The following SORCS2 variants were observed in gnomAD, a reference collection of about 807,000 sequenced individuals.
SORCS2 encodes the protein sortilin related VPS10 domain containing receptor 2.
In SORCS2, 100 loss-of-function variants were observed where a neutral mutation model predicts 141.6. The observed-to-expected ratio is 0.71, with a 90% CI of 0.60 to 0.83. SORCS2 has a LOEUF of 0.83. Ranked by LOEUF, SORCS2 falls within the 40% of genes least tolerant of loss-of-function variation. SORCS2 has a pLI of 0.00. For missense variants in SORCS2, 1,646 were observed against 1,560.2 expected (o/e 1.05, Z -0.93); for synonymous variants, 789 against 676.9 (o/e 1.17, Z -2.57).
chr4:7,575,532 A>G (rs1715692064), intron 3 of SORCS2, among the ~76,000 whole-genome samples: 1 of 152,238 alleles, frequency 6.6e-6, no homozygotes, highest in African/African-American at 2.4e-5. Context: ...TGACAGTTGT[A>G]AAAGTAGGTT....
chr4:7,595,978 C>G (rs1442423677), intron 3 of SORCS2, among the ~76,000 whole-genome samples: 1 of 152,192 alleles, frequency 6.6e-6, no homozygotes, highest in African/African-American at 2.4e-5. Context: ...TTCCCTTTCC[C>G]CAGCCTGCAT....
chr4:7,416,231 C>T (rs976063325), intron 2 of SORCS2, among the ~76,000 whole-genome samples: 1 of 152,030 alleles, frequency 6.6e-6, no homozygotes, highest in Non-Finnish European at 1.5e-5. Context: ...TTGGCTGCAG[C>T]GTTCGTAGGG....
intron 8 of SORCS2, among the ~76,000 whole-genome samples, chr4:7,674,573 C>CAA (rs1265948158): frequency 1.8e-5 from 1 of 56,402 alleles, no homozygotes; most frequent in Non-Finnish European, 3.0e-5. Flanking sequence ...GACTCTGTCT[C>CAA]AAAATAAAAA....
At chr4:7,433,504 G>A (rs1219165796) in intron 2 of SORCS2, 3 of 1,603,492 alleles carry the variant, frequency 1.9e-6, no homozygotes, top group East Asian at 2.2e-5. Flanking sequence ...CACAGCCACG[G>A]GGTCCATCAT....
Position 7,434,747 on chromosome 4 carries a change from C to T in SORCS2, c.548+38392C>T, listed in dbSNP as rs1333664334. 1 of 1,613,022 alleles carries T rather than the reference C, an allele frequency of 6.2e-7. No homozygotes were observed. The highest frequency in any genetic ancestry group is 8.5e-7 in the Non-Finnish European group (1 of 1,179,640). On this transcript the variant is annotated intron_variant, in intron 2 of 26. Transcript: ENST00000507866. ...ACGGCCCCTTGGCAGTACCCCACAGCCCCGCACCTGGCAGCTGTCTGCAGA... is the reference window on the plus strand; with the variant it reads ...ACGGCCCCTTGGCAGTACCCCACAGTCCCGCACCTGGCAGCTGTCTGCAGA...
chr4:7,620,637 C>T (rs1348702442), intron 3 of SORCS2, among the ~76,000 whole-genome samples: 3 of 152,208 alleles, frequency 2.0e-5, no homozygotes, highest in Admixed American at 1.3e-4. Context: ...ACTATGGAGG[C>T]GGTGGGTGTT....
At chr4:7,481,927 C>A (rs972963840) in intron 2 of SORCS2, among the ~76,000 whole-genome samples, 1 of 102,810 alleles carries the variant, frequency 9.7e-6, no homozygotes, top group Admixed American at 1.0e-4. Context: ...ACACCCCTGA[C>A]GTTGTTCAGA....
intron 1 of SORCS2, among the ~76,000 whole-genome samples, chr4:7,294,083 G>A (rs1716791662): frequency 6.6e-6 from 1 of 152,226 alleles, no homozygotes; most frequent in Non-Finnish European, 1.5e-5. Context: ...TGAAGCCAAA[G>A]TTGCCTCAGA....
At chr4:7,243,094 A>G (rs1236030877) in intron 1 of SORCS2, among the ~76,000 whole-genome samples, 3 of 152,100 alleles carry the variant, frequency 2.0e-5, no homozygotes, top group African/African-American at 7.2e-5. Flanking sequence ...ACCCCACCCC[A>G]CAGGCTTTCT....
At chr4:7,503,714 A>G (rs1355199974) in intron 2 of SORCS2, among the ~76,000 whole-genome samples, 3 of 152,180 alleles carry the variant, frequency 2.0e-5, no homozygotes, top group African/African-American at 7.2e-5. Flanking sequence ...ATGCAGATTG[A>G]TGGGCCGTGT....
At chr4:7,646,647 A>G (rs995715570) in intron 4 of SORCS2, among the ~76,000 whole-genome samples, 1 of 152,156 alleles carries the variant, frequency 6.6e-6, no homozygotes, top group Non-Finnish European at 1.5e-5. Flanking sequence ...CAAACTACAA[A>G]AAAAAGACAG....
At chr4:7,288,149 G>A (rs1341598646) in intron 1 of SORCS2, among the ~76,000 whole-genome samples, 1 of 152,214 alleles carries the variant, frequency 6.6e-6, no homozygotes. Context: ...TAATGAAGGA[G>A]TTAATCTGTG....
intron 12 of SORCS2, among the ~76,000 whole-genome samples, chr4:7,701,605 G>A (rs1725088710): frequency 6.6e-6 from 1 of 152,202 alleles, no homozygotes; most frequent in African/African-American, 2.4e-5. Flanking sequence ...GAAAGTTCTG[G>A]TGGGGTTGAG....
intron 3 of SORCS2, among the ~76,000 whole-genome samples, chr4:7,600,528 G>A (rs1717588457): frequency 1.3e-5 from 2 of 152,128 alleles, no homozygotes; most frequent in Admixed American, 1.3e-4. Flanking sequence ...AGTCCCGGCT[G>A]GCAGGGGAGG....
chr4:7,394,016 T>C (rs4689112), intron 1 of SORCS2, among the ~76,000 whole-genome samples: 40,433 of 151,754 alleles, frequency 0.27, 6,372 homozygotes, highest in East Asian at 0.5. Context: ...TCTCCAGCAC[T>C]GGCCCTTCCT....
At chr4:7,422,147 C>T (rs1000534791) in intron 2 of SORCS2, among the ~76,000 whole-genome samples, 1 of 152,218 alleles carries the variant, frequency 6.6e-6, no homozygotes, top group Admixed American at 6.5e-5. Context: ...CGTGGTCAGA[C>T]ACGCCACCTG....
chr4:7,602,335 C>T (rs976003982), intron 3 of SORCS2, among the ~76,000 whole-genome samples: 27 of 151,472 alleles, frequency 1.8e-4, no homozygotes, highest in Non-Finnish European at 3.7e-4. Flanking sequence ...GGCTGCTGGG[C>T]GGAGACGCTC....
chr4:7,614,644 T>C (rs1286489667), intron 3 of SORCS2, among the ~76,000 whole-genome samples: 1 of 150,250 alleles, frequency 6.7e-6, no homozygotes, highest in Non-Finnish European at 1.5e-5. Flanking sequence ...CATTTATCCA[T>C]CCACCTATCC....
chr4:7,403,977 ATATATATATATATATATATATTTTTTTTT>A lies in SORCS2; in HGVS notation c.548+7624_548+7652del, dbSNP rs1724768678. The stretch of plus-strand genomic sequence containing the variant: ...TCCATGTGTGTATATATATATATAT[ATATATATATATATATATATATTTTTTTTT>A]TTTTTTTAGTATCCATTTATGAGTG... On this transcript the variant is annotated intron_variant, in intron 2 of 26. Transcript: ENST00000507866. Among the ~76,000 whole-genome samples the A allele has an allele frequency of 1.3e-4, 2 of 14,930 alleles. 1 individual carries two copies. Among genetic ancestry groups the A allele is most frequent in the Non-Finnish European group, 2.7e-4 (2 of 7,452 alleles). The allele number at this position is 14,930 out of a possible 152,430, so 9.8% of individuals were successfully genotyped here.
Sources: allele counts gnomAD v4.1 joint callset (sites outside exome capture counted in the v4.1 genomes callset), GRCh38; gene constraint gnomAD v4.1.1; transcripts MANE v1.5; gene names NCBI Gene and HGNC (gene_info 2026-07-23, HGNC 2026-07-21).